Variants in RIMS2 observed in about 807,000 individuals in gnomAD.
RIMS2 encodes regulating synaptic membrane exocytosis 2, also known as regulating synaptic membrane exocytosis protein 2.
Under a neutral mutation model 174.4 loss-of-function variants are expected in RIMS2, and 59 were observed. The ratio of observed to expected loss-of-function variants is 0.34; its 90% CI spans 0.27 to 0.42. The LOEUF is 0.42. Among genes scored for constraint, RIMS2 ranks in the 10% least tolerant of loss-of-function variants. The pLI is 1.00. For synonymous variants in RIMS2, 606 were observed against 572.5 expected, an observed-to-expected ratio of 1.06 and a Z score of -0.84; for missense variants, 1,620 against 1,666.3, an observed-to-expected ratio of 0.97 and a Z score of 0.48.
At chr8:103,902,289 T>C (rs78566497) in intron 4 of RIMS2, among the ~76,000 whole-genome samples, 1 of 151,982 alleles carries the variant, frequency 6.6e-6, no homozygotes, top group African/African-American at 2.4e-5. Flanking sequence ...GCAAAGAGAG[T>C]ATCTAAAACA....
rs538269638 is a variant in RIMS2 at position 104,045,115 on chromosome 8, C to T, written c.3334+30500C>T. On this transcript the variant is annotated intron_variant, in intron 19 of 23. Coordinates refer to ENST00000504942, the Ensembl canonical transcript of RIMS2. ...TCCAATTAATATGCAAGTTGGTTAT[C>T]TTTCTTTATAAATTTTAGCCCAAAA... is the stretch of plus-strand genomic sequence containing the variant. Among the ~76,000 whole-genome samples, 4 of 151,870 alleles carry T rather than the reference C, an allele frequency of 2.6e-5. No individual in the cohort carries two copies. The South Asian group carries it at 8.3e-4, about 31-fold the overall frequency.
chr8:104,152,438 C>T (rs1341518630), intron 19 of RIMS2, among the ~76,000 whole-genome samples: 1 of 152,094 alleles, frequency 6.6e-6, no homozygotes, highest in Non-Finnish European at 1.5e-5. Flanking sequence ...GATTGTTTTA[C>T]AATTACTGGA....
chr8:104,148,725 GAC>G, intron 19 of RIMS2: 2 of 1,598,388 alleles, frequency 1.3e-6, no homozygotes, highest in South Asian at 2.2e-5. Context: ...CAGCCAGTCT[GAC>G]ACTGCAGTGG....
intron 19 of RIMS2, among the ~76,000 whole-genome samples, chr8:104,015,959 T>C (rs773287463): frequency 8.5e-5 from 13 of 152,106 alleles, no homozygotes; most frequent in Non-Finnish European, 1.5e-4. Context: ...ATTTTTCATG[T>C]TGTAGCAAGA....
chr8:104,162,203 G>A (rs2098766873), intron 19 of RIMS2, among the ~76,000 whole-genome samples: 1 of 152,150 alleles, frequency 6.6e-6, no homozygotes, highest in South Asian at 2.1e-4. Context: ...AGATGAAAAG[G>A]TAAGGAAATT....
intron 19 of RIMS2, among the ~76,000 whole-genome samples, chr8:104,059,038 A>T (rs2096927044): frequency 6.6e-6 from 1 of 151,308 alleles, no homozygotes; most frequent in African/African-American, 2.4e-5. Flanking sequence ...CTTAGGATTG[A>T]CTTGGTGATG....
At chr8:103,809,264 A>G (rs1275174690) in intron 3 of RIMS2, among the ~76,000 whole-genome samples, 2 of 140,046 alleles carry the variant, frequency 1.4e-5, no homozygotes, top group Non-Finnish European at 3.1e-5. Flanking sequence ...TCTTGAATCT[A>G]TTTTTTTTTT....
chr8:103,929,203 G>C (rs550796152), intron 11 of RIMS2, among the ~76,000 whole-genome samples: 1 of 151,604 alleles, frequency 6.6e-6, no homozygotes, highest in Admixed American at 6.6e-5. Context: ...AAATATGAAA[G>C]CCATATGTTT....
chr8:104,147,791 C>G (rs941369179), intron 19 of RIMS2, among the ~76,000 whole-genome samples: 3 of 152,326 alleles, frequency 2.0e-5, no homozygotes, highest in African/African-American at 7.2e-5. Flanking sequence ...TAATCTACCT[C>G]TACCATACCC....
chr8:103,746,843 G>A (rs575785196), intron 2 of RIMS2, among the ~76,000 whole-genome samples: 2 of 151,982 alleles, frequency 1.3e-5, no homozygotes, highest in South Asian at 2.1e-4. Context: ...ACCACACCCC[G>A]CTAATTTTTT....
intron 19 of RIMS2, among the ~76,000 whole-genome samples, chr8:104,176,248 G>T (rs1477760839): frequency 1.3e-5 from 2 of 152,058 alleles, no homozygotes; most frequent in Non-Finnish European, 2.9e-5. Flanking sequence ...TCCAGCTGTG[G>T]CTTTTTTCCT....
At chr8:104,065,148 C>T (rs999578083) in intron 19 of RIMS2, among the ~76,000 whole-genome samples, 3 of 151,950 alleles carry the variant, frequency 2.0e-5, no homozygotes, top group African/African-American at 7.2e-5. Context: ...TTCTTTATTG[C>T]AGGTTTTTGA....
intron 3 of RIMS2, among the ~76,000 whole-genome samples, chr8:103,801,479 G>A (rs572628265): frequency 6.6e-6 from 1 of 152,058 alleles, no homozygotes; most frequent in South Asian, 2.1e-4. Flanking sequence ...AATATTAGAG[G>A]CAGAATAGAC....
At chr8:103,841,638 A>G (rs1362756663) in intron 3 of RIMS2, among the ~76,000 whole-genome samples, 5 of 152,178 alleles carry the variant, frequency 3.3e-5, no homozygotes, top group Non-Finnish European at 7.3e-5. Flanking sequence ...GTCTCTTAGC[A>G]TCTGTTTGAA....
rs566040984 is a variant in RIMS2, at chr8:103,870,360, AC to A, written c.699-14936del. ...CTAAACCACTCTTATCACCACCACC[AC>A]CATCACCACCACCACCACCAGCACC... On this transcript the variant is annotated intron_variant, in intron 3 of 23. Coordinates refer to ENST00000504942, the Ensembl canonical transcript of RIMS2. Among the ~76,000 whole-genome samples, 637 of 151,792 alleles carry A rather than the reference AC, an allele frequency of 4.2e-3. 4 individuals are homozygous for A. Among genetic ancestry groups the A allele is most frequent in the African/African-American group, 0.015 (607 of 41,392 alleles).
At chr8:104,051,788 A>T (rs1028313835) in intron 19 of RIMS2, among the ~76,000 whole-genome samples, 1 of 152,202 alleles carries the variant, frequency 6.6e-6, no homozygotes, top group Non-Finnish European at 1.5e-5. Context: ...AAATTATCTA[A>T]TAAGTAAAAT....
intron 19 of RIMS2, among the ~76,000 whole-genome samples, chr8:104,140,659 A>G (rs995748263): frequency 6.6e-6 from 1 of 152,080 alleles, no homozygotes; most frequent in Non-Finnish European, 1.5e-5. Flanking sequence ...CTTTTTGTCA[A>G]TTTCAGTCCC....
chr8:104,057,922 T>C (rs919894461), intron 19 of RIMS2, among the ~76,000 whole-genome samples: 2 of 152,108 alleles, frequency 1.3e-5, no homozygotes, highest in African/African-American at 4.8e-5. Context: ...GGCTGCATAG[T>C]ATTCCATGGT....
At chr8:103,575,452 AT>A (rs2093146522) in intron 1 of RIMS2, among the ~76,000 whole-genome samples, 1 of 152,160 alleles carries the variant, frequency 6.6e-6, no homozygotes, top group Non-Finnish European at 1.5e-5. Context: ...GCAGAAATGA[AT>A]GCATGTACTC....
Sources: gnomAD v4.1 joint callset for allele counts (sites outside exome capture counted in the v4.1 genomes callset) on GRCh38, gnomAD v4.1.1 for gene constraint, MANE v1.5 for transcripts, NCBI Gene and HGNC (gene_info 2026-07-23, HGNC 2026-07-21) for gene names.